The following KIF26B variants were observed in gnomAD, a reference collection of about 807,000 sequenced individuals.
The protein encoded by KIF26B is kinesin-like protein KIF26B.
In KIF26B, 63 loss-of-function variants were observed where a neutral mutation model predicts 151.2. The ratio of observed to expected loss-of-function variants is 0.42; its 90% confidence interval spans 0.34 to 0.51. The LOEUF is 0.51. KIF26B is among the 20% of genes least tolerant of loss of function. The pLI, the probability that KIF26B is intolerant of heterozygous loss-of-function variation, is 0.07. For synonymous variants in KIF26B, 1,357 were observed against 1,262.1 expected, an observed-to-expected ratio of 1.08 and a Z score of -1.59; for missense variants, 2,813 against 2,913.6, an observed-to-expected ratio of 0.97 and a Z score of 0.79.
intron 5 of KIF26B, among the ~76,000 whole-genome samples, chr1:245,599,861 C>T (rs746374400): frequency 8.6e-5 from 13 of 152,030 alleles, no homozygotes; most frequent in Non-Finnish European, 1.8e-4. Context: ...TGCAGATATA[C>T]CTACTGGTTA....
At chr1:245,449,131 AACAG>A (rs1659319619) in intron 4 of KIF26B, among the ~76,000 whole-genome samples, 2 of 152,230 alleles carry the variant, frequency 1.3e-5, no homozygotes, top group African/African-American at 4.8e-5. Context: ...TGAACACAGC[AACAG>A]ACAGTCTATC....
At chr1:245,300,660 C>G (rs1252333244) in intron 2 of KIF26B, among the ~76,000 whole-genome samples, 3 of 150,798 alleles carry the variant, frequency 2.0e-5, no homozygotes, top group Admixed American at 6.6e-5. Context: ...TCCTGAGTAG[C>G]TGGGATTACA....
At chr1:245,502,713 A>G (rs1026863847) in intron 4 of KIF26B, among the ~76,000 whole-genome samples, 2 of 152,136 alleles carry the variant, frequency 1.3e-5, no homozygotes, top group Non-Finnish European at 2.9e-5. Flanking sequence ...AATATTATCT[A>G]AGTATGAAGA....
rs111484201 is a variant in KIF26B at position 245,504,226 on chromosome 1, G to C, written c.1167-36541G>C. ...CTCTCCATCTCCCCAGGGCCCAGAT[G>C]GCTCCATTCTAGAGCTTCTCCTCCA... On this transcript the variant is annotated intron_variant, in intron 4 of 14. Transcript: ENST00000407071. Among the ~76,000 whole-genome samples, 63 of 152,020 alleles carry C rather than the reference G, an allele frequency of 4.1e-4. 1 individual carries two copies. The highest frequency in any genetic ancestry group is 1.5e-3 in the African/African-American group (61 of 41,478).
At chr1:245,333,662 T>C (rs1672162868) in intron 2 of KIF26B, among the ~76,000 whole-genome samples, 1 of 152,200 alleles carries the variant, frequency 6.6e-6, no homozygotes, top group East Asian at 1.9e-4. Context: ...CCATTTTTTA[T>C]CTTTTGATCC....
At chr1:245,618,371 G>T (rs2043616651) in intron 9 of KIF26B, among the ~76,000 whole-genome samples, 1 of 151,654 alleles carries the variant, frequency 6.6e-6, no homozygotes, top group East Asian at 1.9e-4. Context: ...TTAGACTATA[G>T]GTTCCTTGAG....
chr1:245,376,270 T>C (rs1673270874), intron 3 of KIF26B, among the ~76,000 whole-genome samples: 2 of 152,210 alleles, frequency 1.3e-5, no homozygotes, highest in South Asian at 4.1e-4. Flanking sequence ...TTGGACGTTG[T>C]AGAGCAGCAT....
At chr1:245,349,398 A>G (rs146535926) in intron 2 of KIF26B, among the ~76,000 whole-genome samples, 10 of 152,278 alleles carry the variant, frequency 6.6e-5, no homozygotes, top group African/African-American at 2.4e-4. Flanking sequence ...ATGGTAATGG[A>G]TGGAAATAAT....
chr1:245,567,884 A>T (rs2043025761), intron 5 of KIF26B, among the ~76,000 whole-genome samples: 1 of 152,114 alleles, frequency 6.6e-6, no homozygotes, highest in Admixed American at 6.6e-5. Flanking sequence ...TTCAAGGGAA[A>T]TGAAAAGTTC....
intron 4 of KIF26B, among the ~76,000 whole-genome samples, chr1:245,520,752 C>T (rs1292791325): frequency 6.6e-6 from 1 of 152,168 alleles, no homozygotes; most frequent in Non-Finnish European, 1.5e-5. Flanking sequence ...ATGGAACTTA[C>T]ATCAGAAAGG....
In KIF26B at chr1:245,357,551, T is replaced by C. The variant is rs191671478; in HGVS notation, c.466-9283T>C. On this transcript the variant is annotated intron_variant, in intron 2 of 14. Transcript: ENST00000407071. ...TAATTCACCATGCACATCCAGTGAA[T>C]GGTACACATTTAAAGCGTACACTTT... Among the ~76,000 whole-genome samples, 39 of 152,322 alleles carry C rather than the reference T, an allele frequency of 2.6e-4. 1 individual carries two copies. The highest frequency in any genetic ancestry group is 8.7e-4 in the African/African-American group (36 of 41,564).
chr1:245,490,823 G>T (rs1660394025), intron 4 of KIF26B, among the ~76,000 whole-genome samples: 1 of 152,082 alleles, frequency 6.6e-6, no homozygotes, highest in Non-Finnish European at 1.5e-5. Context: ...ACCTGAGAAC[G>T]GTTCTCTGTT....
At chr1:245,248,043 C>T (rs1053054423) in intron 2 of KIF26B, among the ~76,000 whole-genome samples, 25 of 152,096 alleles carry the variant, frequency 1.6e-4, no homozygotes, top group African/African-American at 4.6e-4. Flanking sequence ...AGTGCCAACA[C>T]GGCCGTGCAC....
At chr1:245,449,830 A>G (rs1329107530) in intron 4 of KIF26B, among the ~76,000 whole-genome samples, 1 of 152,224 alleles carries the variant, frequency 6.6e-6, no homozygotes, top group Non-Finnish European at 1.5e-5. Flanking sequence ...ATGAATTTTA[A>G]ATGACAGTTT....
intron 9 of KIF26B, among the ~76,000 whole-genome samples, chr1:245,612,819 G>A (rs1431158646): frequency 6.6e-6 from 1 of 152,124 alleles, no homozygotes; most frequent in South Asian, 2.1e-4. Context: ...CCCAGGTACG[G>A]TGCCTGCTCT....
intron 10 of KIF26B, among the ~76,000 whole-genome samples, chr1:245,655,171 C>T (rs1376223397): frequency 6.6e-6 from 1 of 152,232 alleles, no homozygotes; most frequent in Admixed American, 6.5e-5. Context: ...GCTAACCTCA[C>T]ACACTCAGAC....
At chr1:245,317,568 C>T (rs1054472600) in intron 2 of KIF26B, among the ~76,000 whole-genome samples, 2 of 152,238 alleles carry the variant, frequency 1.3e-5, no homozygotes, top group African/African-American at 4.8e-5. Flanking sequence ...AAGCTGCATG[C>T]CGCTGAATGA....
chr1:245,622,190 C>T (rs2043671268), intron 9 of KIF26B, among the ~76,000 whole-genome samples: 1 of 152,176 alleles, frequency 6.6e-6, no homozygotes, highest in African/African-American at 2.4e-5. Flanking sequence ...TAGCATAAAA[C>T]AGAAGTGACA....
chr1:245,549,111 GTGTA>G (rs1290200217), intron 5 of KIF26B, among the ~76,000 whole-genome samples: 2 of 152,182 alleles, frequency 1.3e-5, no homozygotes, highest in African/African-American at 4.8e-5. Flanking sequence ...TGGTAGGCTT[GTGTA>G]TGTGTGTGCA....
Sources: allele counts gnomAD v4.1 joint callset (sites outside exome capture counted in the v4.1 genomes callset), GRCh38; gene constraint gnomAD v4.1.1; transcripts MANE v1.5; gene names NCBI Gene and HGNC (gene_info 2026-07-23, HGNC 2026-07-21).